PATJ: variants seen among roughly 807,000 people sequenced by gnomAD.
PATJ encodes PATJ crumbs cell polarity complex component.
PATJ carries 190 observed loss-of-function variants against 224.9 expected under a neutral mutation model. The ratio of observed to expected loss-of-function variants is 0.84; its 90% CI spans 0.75 to 0.95. PATJ has a LOEUF of 0.95. Ranked by LOEUF, PATJ falls within the 40% of genes least tolerant of loss-of-function variation. The pLI, the probability that PATJ is intolerant of heterozygous loss-of-function variation, is 0.00. For missense variants in PATJ, 2,121 were observed against 2,270.3 expected (o/e 0.93, Z 1.34); for synonymous variants, 769 against 820.3 (o/e 0.94, Z 1.07).
intron 10 of PATJ, among the ~76,000 whole-genome samples, chr1:61,796,969 C>T (rs111386278): frequency 2.0e-5 from 3 of 151,960 alleles, no homozygotes; most frequent in African/African-American, 7.3e-5. Context: ...CAGGTTCAAG[C>T]GATTCTCCTG....
intron 24 of PATJ, among the ~76,000 whole-genome samples, chr1:61,903,910 T>C (rs1273712478): frequency 1.3e-5 from 2 of 151,816 alleles, no homozygotes; most frequent in Non-Finnish European, 2.9e-5. Context: ...GTAGCTAGGA[T>C]TACAGGCACC....
Position 62,106,975 on chromosome 1 carries a change from G to A in PATJ, c.4378-1462G>A, listed in dbSNP as rs374833723. 4.6e-5 allele frequency among the ~76,000 whole-genome samples: 7 copies of A among 151,976 alleles called. 1 individual carries two copies. In the East Asian group the frequency reaches 5.8e-4, roughly 13 times the overall value. ...CTGCAGGACTCAAATCCCCACTGTG[G>A]GACCCATAGACCTCTGTTTCTAATC... On this transcript the variant is annotated intron_variant, in intron 33 of 43. Transcript: ENST00000642238.
chr1:61,881,701 C>T (rs114575631), intron 21 of PATJ, among the ~76,000 whole-genome samples: 126 of 152,230 alleles, frequency 8.3e-4, no homozygotes, highest in Non-Finnish European at 1.5e-3. Context: ...TGTGAGCTAC[C>T]GCACCCAGCC....
chr1:61,806,767 C>T (rs1653654145), intron 13 of PATJ, among the ~76,000 whole-genome samples: 1 of 152,036 alleles, frequency 6.6e-6, no homozygotes, highest in Admixed American at 6.6e-5. Flanking sequence ...ATGGCATTTC[C>T]TACTTATCTT....
intron 29 of PATJ, among the ~76,000 whole-genome samples, chr1:62,030,570 G>A (rs1253017770): frequency 1.3e-5 from 2 of 152,058 alleles, no homozygotes; most frequent in Non-Finnish European, 2.9e-5. Flanking sequence ...TATGTCTTAA[G>A]TCTATTGAGT....
chr1:61,981,498 ATTTG>A (rs1644444877), intron 27 of PATJ, among the ~76,000 whole-genome samples: 1 of 151,976 alleles, frequency 6.6e-6, no homozygotes. Context: ...AGCATAACAA[ATTTG>A]TTTATCCAAA....
intron 1 of PATJ, among the ~76,000 whole-genome samples, chr1:61,755,628 T>C (rs1220288057): frequency 6.6e-6 from 1 of 152,212 alleles, no homozygotes; most frequent in Admixed American, 6.5e-5. Flanking sequence ...ACCAGTCTGC[T>C]TAGCATTGTT....
At chr1:61,841,308 A>G (rs12042774) in intron 17 of PATJ, among the ~76,000 whole-genome samples, 41 of 152,282 alleles carry the variant, frequency 2.7e-4, no homozygotes, top group African/African-American at 9.4e-4. Flanking sequence ...GTAAATGCTA[A>G]TATCAGTATA....
intron 27 of PATJ, among the ~76,000 whole-genome samples, chr1:61,978,073 T>G (rs1644241227): frequency 6.6e-6 from 1 of 151,846 alleles, no homozygotes; most frequent in Non-Finnish European, 1.5e-5. Flanking sequence ...TCTGATTGAC[T>G]ATTTCTTCTC....
intron 31 of PATJ, among the ~76,000 whole-genome samples, chr1:62,076,471 G>A (rs1658329913): frequency 6.6e-6 from 1 of 152,118 alleles, no homozygotes; most frequent in Non-Finnish European, 1.5e-5. Flanking sequence ...TTCTTACACA[G>A]TAGTTTGGTT....
chr1:62,156,917 A>G (rs1669280161), intron 43 of PATJ, among the ~76,000 whole-genome samples: 2 of 152,032 alleles, frequency 1.3e-5, no homozygotes, highest in Admixed American at 6.6e-5. Flanking sequence ...CCCTGTCAAA[A>G]AAAAAAAAAA....
intron 33 of PATJ, among the ~76,000 whole-genome samples, chr1:62,084,980 G>C (rs1659776877): frequency 6.6e-6 from 1 of 151,876 alleles, no homozygotes; most frequent in Non-Finnish European, 1.5e-5. Context: ...TGTCTGGGTG[G>C]GCTGAGCACA....
intron 31 of PATJ, among the ~76,000 whole-genome samples, chr1:62,074,306 A>T (rs1558132028): frequency 2.0e-5 from 3 of 152,100 alleles, no homozygotes; most frequent in Non-Finnish European, 2.9e-5. Flanking sequence ...ATGTATACAT[A>T]TGTAACAAAC....
intron 27 of PATJ, among the ~76,000 whole-genome samples, chr1:61,988,378 T>C (rs1245665532): frequency 6.6e-6 from 1 of 152,230 alleles, no homozygotes; most frequent in Non-Finnish European, 1.5e-5. Flanking sequence ...TTATTTCTCC[T>C]GTTATGCTGT....
At chr1:61,863,027 GTTTTTTTTTTT>G (rs35033086) in intron 19 of PATJ, among the ~76,000 whole-genome samples, 2 of 79,996 alleles carry the variant, frequency 2.5e-5, no homozygotes, top group African/African-American at 4.7e-5. Context: ...ACTGTTTTCA[GTTTTTTTTTTT>G]TTTTTTTTTT....
chr1:62,124,982 T>C (rs979193294), intron 39 of PATJ, among the ~76,000 whole-genome samples: 1 of 151,984 alleles, frequency 6.6e-6, no homozygotes. Context: ...ATCCCAGCAT[T>C]GTGGGAGGCC....
At position 62,116,536 on chromosome 1, in the gene PATJ, G is replaced by A. The variant is rs760710655; in HGVS notation, c.4660G>A (p.Gly1554Arg). 3.7e-6 allele frequency: 6 copies of A among 1,613,956 alleles called. No homozygotes were observed. The South Asian group carries it at 6.6e-5, about 18-fold the overall frequency. The change falls in exon 36 of 44, where the codon GGA (glycine) becomes AGA (arginine). Residue 1554 changes from glycine to arginine, a missense_variant. Gly to Arg is a moderately radical substitution (Grantham distance 125). Coordinates refer to ENST00000642238, the MANE Select transcript of PATJ (RefSeq NM_001350145.3). ...ACTGCTGTATGGTATTAACAGAAAT[G>A]GAAGCGGAGTGTTTATTTCTGACAT... ...LGLSIVGKRN[G>R]SGVFISDIVK...
In PATJ at chr1:62,121,161, C is replaced by T. The variant is rs1220304273; in HGVS notation, c.4891-20C>T. On this transcript the variant is annotated intron_variant, in intron 37 of 43. Coordinates refer to ENST00000642238, the MANE Select transcript of PATJ (RefSeq NM_001350145.3). ...CAAGTCAGTGTCTGCACACAGGTGA[C>T]CCCTGGGTCTTTCTTTCAGGGTAGT... The T allele has an allele frequency of 6.5e-7, 1 of 1,545,742 alleles. No individual in the cohort carries two copies. The highest frequency in any genetic ancestry group is 8.9e-7 in the Non-Finnish European group (1 of 1,121,030).
intron 14 of PATJ, among the ~76,000 whole-genome samples, chr1:61,812,429 A>AGTGTGTGTGTGT (rs1355150780): frequency 2.7e-5 from 3 of 111,374 alleles, no homozygotes; most frequent in African/African-American, 1.0e-4. Context: ...AGAGAGAGAG[A>AGTGTGTGTGTGT]GAGAGTGTGT....
Sources: allele counts gnomAD v4.1 joint callset (sites outside exome capture counted in the v4.1 genomes callset), GRCh38; gene constraint gnomAD v4.1.1; transcripts MANE v1.5; gene names NCBI Gene and HGNC (gene_info 2026-07-23, HGNC 2026-07-21).